ATP10B: variants seen among roughly 807,000 people sequenced by gnomAD.
ATP10B encodes phospholipid-transporting ATPase VB.
A neutral mutation model predicts 141.2 loss-of-function variants in ATP10B; 122 were observed. The ratio of observed to expected loss-of-function variants is 0.86; its 90% CI spans 0.75 to 1.00. The LOEUF (loss-of-function observed/expected upper bound fraction) is 1.00, where lower values mean the gene tolerates loss of function less well. Ranked by LOEUF, ATP10B falls within the 50% of genes least tolerant of loss-of-function variation. The pLI is 0.00. For synonymous variants in ATP10B, 685 were observed against 692.0 expected (o/e 0.99, Z 0.16); for missense variants, 1,876 against 1,825.3 (o/e 1.03, Z -0.51).
rs573405020 is a variant in ATP10B at position 160,813,961 on chromosome 5, C to T, written c.-575-28158G>A. The stretch of plus-strand genomic sequence containing the variant: ...GGAAAACTAACAAACAGAAAGGACA[C>T]CCACACCAAAACCCCATCTGTACGT... On this transcript the variant is annotated intron_variant, in intron 1 of 25. Coordinates refer to ENST00000327245, the MANE Select transcript of ATP10B (RefSeq NM_025153.3). 7.0e-3 allele frequency among the ~76,000 whole-genome samples: 1,064 copies of T among 152,026 alleles called. 18 individuals are homozygous for T. The highest frequency in any genetic ancestry group is 0.024 in the African/African-American group (1,003 of 41,486).
chr5:160,724,486 T>C (rs1766202160), intron 2 of ATP10B, among the ~76,000 whole-genome samples: 1 of 152,184 alleles, frequency 6.6e-6, no homozygotes, highest in South Asian at 2.1e-4. Context: ...TGGCTTCCTA[T>C]ATGTTTGGAG....
At chr5:160,762,751 TC>T (rs1769130531) in intron 2 of ATP10B, among the ~76,000 whole-genome samples, 1 of 152,090 alleles carries the variant, frequency 6.6e-6, no homozygotes, top group Non-Finnish European at 1.5e-5. Context: ...GCCTAAATGT[TC>T]CACTTAAAAG....
chr5:160,673,615 G>T (rs1452145371), intron 6 of ATP10B, among the ~76,000 whole-genome samples: 2 of 151,678 alleles, frequency 1.3e-5, no homozygotes, highest in African/African-American at 2.4e-5. Context: ...AATAATAGGG[G>T]CAGTCACCCC....
At chr5:160,791,849 G>T (rs1206042515) in intron 1 of ATP10B, among the ~76,000 whole-genome samples, 1 of 152,244 alleles carries the variant, frequency 6.6e-6, no homozygotes, top group Non-Finnish European at 1.5e-5. Context: ...TGGACTTGGA[G>T]AGAAAACTGA....
the ATP10B span, among the ~76,000 whole-genome samples, chr5:160,888,283 CCT>C: frequency 1.3e-5 from 2 of 152,040 alleles, no homozygotes; most frequent in South Asian, 2.1e-4. Context: ...AGTATCAGCA[CCT>C]CTGACAAAGA....
intron 1 of ATP10B, among the ~76,000 whole-genome samples, chr5:160,843,910 T>G (rs938791493): frequency 7.9e-5 from 12 of 152,206 alleles, no homozygotes; most frequent in African/African-American, 2.9e-4. Flanking sequence ...GTAATTTATT[T>G]TCTCATTTTT....
At chr5:160,784,539 T>A (rs1020126354) in intron 2 of ATP10B, among the ~76,000 whole-genome samples, 11 of 151,626 alleles carry the variant, frequency 7.3e-5, no homozygotes, top group African/African-American at 1.9e-4. Flanking sequence ...TATTTGTAGT[T>A]GTTGTTGTTG....
the ATP10B span, among the ~76,000 whole-genome samples, chr5:160,920,099 G>A: frequency 6.6e-6 from 1 of 152,130 alleles, no homozygotes; most frequent in Non-Finnish European, 1.5e-5. Context: ...GCAGTGAGAG[G>A]GGCTCAGGAC....
intron 1 of ATP10B, among the ~76,000 whole-genome samples, chr5:160,802,055 CTGTAGAGG>C (rs1772407520): frequency 6.6e-6 from 1 of 152,178 alleles, no homozygotes; most frequent in African/African-American, 2.4e-5. Flanking sequence ...CCAGCTGTGT[CTGTAGAGG>C]TGTTGGTTGA....
chr5:160,817,808 C>T (rs950537035), intron 1 of ATP10B, among the ~76,000 whole-genome samples: 9 of 152,194 alleles, frequency 5.9e-5, no homozygotes, highest in East Asian at 3.9e-4. Context: ...GAGATATAGA[C>T]CAATGGAACA....
At chr5:160,653,807 A>G (rs1761213215) in intron 7 of ATP10B, among the ~76,000 whole-genome samples, 1 of 122,798 alleles carries the variant, frequency 8.1e-6, no homozygotes, top group Non-Finnish European at 1.6e-5. Context: ...ACGTATATAC[A>G]TATATATTAT....
the ATP10B span, among the ~76,000 whole-genome samples, chr5:160,909,534 C>A: frequency 6.6e-6 from 1 of 152,248 alleles, no homozygotes; most frequent in South Asian, 2.1e-4. Context: ...TTCCTGAATG[C>A]AGGAGCAGGA....
chr5:160,735,816 A>G (rs1767078173), intron 2 of ATP10B, among the ~76,000 whole-genome samples: 1 of 152,222 alleles, frequency 6.6e-6, no homozygotes, highest in African/African-American at 2.4e-5. Context: ...CAATGGAATA[A>G]AACTAGAAAT....
intron 13 of ATP10B, among the ~76,000 whole-genome samples, chr5:160,630,691 G>T (rs1758871614): frequency 6.6e-6 from 1 of 151,826 alleles, no homozygotes; most frequent in African/African-American, 2.4e-5. Context: ...ATCTCGTTTG[G>T]GAAAATAAAA....
chr5:160,709,262 T>C (rs1327155526), intron 3 of ATP10B, among the ~76,000 whole-genome samples: 3 of 152,194 alleles, frequency 2.0e-5, no homozygotes, highest in Non-Finnish European at 4.4e-5. Flanking sequence ...AATCTCACTA[T>C]ATTAAACTTT....
intron 1 of ATP10B, among the ~76,000 whole-genome samples, chr5:160,824,532 T>C (rs59833858): frequency 5.1e-4 from 78 of 152,288 alleles, no homozygotes; most frequent in Admixed American, 1.6e-3. Context: ...GGTGATTTCA[T>C]CGTTGTGTGT....
chr5:160,612,933 G>C lies in ATP10B; in HGVS notation c.2654-8C>G, dbSNP rs745522543. 4.4e-6 allele frequency: 7 copies of C among 1,605,510 alleles called. No individual in the cohort carries two copies. Among genetic ancestry groups the C allele is most frequent in the Non-Finnish European group, 5.1e-6 (6 of 1,176,554 alleles). The stretch of plus-strand genomic sequence containing the variant: ...CTTCGATCCCAGTGGCTCCTGGAGT[G>C]ATGAAAAACAACAGAGTTCACATTT... On this transcript the variant is annotated splice_polypyrimidine_tract_variant and splice_region_variant and intron_variant, in intron 17 of 25. Transcript: ENST00000327245.
intron 2 of ATP10B, among the ~76,000 whole-genome samples, chr5:160,769,201 T>A (rs1769697031): frequency 6.6e-6 from 1 of 152,180 alleles, no homozygotes; most frequent in South Asian, 2.1e-4. Flanking sequence ...CTTTACAAAT[T>A]TAATTCTTTC....
chr5:160,862,611 A>G, the ATP10B span, among the ~76,000 whole-genome samples: 20,000 of 151,966 alleles, frequency 0.13, 1,401 homozygotes, highest in African/African-American at 0.16. Flanking sequence ...TTGGCTTAAC[A>G]TAATAATTAT....
Sources: allele counts gnomAD v4.1 joint callset (sites outside exome capture counted in the v4.1 genomes callset), GRCh38; gene constraint gnomAD v4.1.1; transcripts MANE v1.5; gene names NCBI Gene and HGNC (gene_info 2026-07-23, HGNC 2026-07-21).